Variants in ERC2 observed in about 807,000 individuals in gnomAD.
The protein encoded by ERC2 is ELKS/RAB6-interacting/CAST family member 2.
In ERC2, 42 loss-of-function variants were observed where a neutral mutation model predicts 114.8. The ratio of observed to expected loss-of-function variants is 0.37; its 90% CI spans 0.29 to 0.47. The LOEUF is 0.47. Ranked by LOEUF, ERC2 falls within the 20% of genes least tolerant of loss-of-function variation. The pLI is 0.99. For missense variants in ERC2, 939 were observed against 1,150.7 expected, an observed-to-expected ratio of 0.82 and a Z score of 2.66; for synonymous variants, 454 against 425.5, an observed-to-expected ratio of 1.07 and a Z score of -0.82.
At chr3:55,654,046 A>T (rs1370217697) in intron 17 of ERC2, among the ~76,000 whole-genome samples, 2 of 152,222 alleles carry the variant, frequency 1.3e-5, no homozygotes, top group Non-Finnish European at 2.9e-5. Flanking sequence ...TAGCTGGGAA[A>T]ACAGTTTGCA....
chr3:55,532,601 T>A (rs2053740371), intron 17 of ERC2, among the ~76,000 whole-genome samples: 3 of 152,184 alleles, frequency 2.0e-5, no homozygotes, highest in African/African-American at 7.2e-5. Flanking sequence ...TTTCAATACA[T>A]ACTCTTTTTA....
chr3:55,922,920 G>A (rs2065513565), intron 13 of ERC2, among the ~76,000 whole-genome samples: 1 of 152,126 alleles, frequency 6.6e-6, no homozygotes. Context: ...GGAGGCCTGT[G>A]CATTGCCGGT....
intron 12 of ERC2, among the ~76,000 whole-genome samples, chr3:55,970,480 C>T (rs2069079068): frequency 6.6e-6 from 1 of 151,512 alleles, no homozygotes; most frequent in African/African-American, 2.4e-5. Context: ...ATATAAATAC[C>T]ACAACTCAAC....
At chr3:56,157,370 G>A (rs1205854955) in intron 4 of ERC2, among the ~76,000 whole-genome samples, 1 of 152,204 alleles carries the variant, frequency 6.6e-6, no homozygotes, top group Non-Finnish European at 1.5e-5. Context: ...TGAGTGGGCA[G>A]TCCCTCCATG....
At position 55,795,846 on chromosome 3, in the gene ERC2, T is replaced by C. The variant is rs78523286; in HGVS notation, c.2565-60928A>G. Among the ~76,000 whole-genome samples the C allele has an allele frequency of 5.2e-4, 79 of 152,204 alleles. 2 individuals are homozygous for C. In the East Asian group the frequency reaches 0.014, roughly 28 times the overall value. The stretch of plus-strand genomic sequence containing the variant: ...CAATAACAGTACCTGCCTTATAGGG[T>C]TGCTTCATCATTCAGCAAATAATTA... On this transcript the variant is annotated intron_variant, in intron 14 of 17. Coordinates refer to ENST00000288221, the MANE Select transcript of ERC2 (RefSeq NM_015576.3).
At position 56,434,617 on chromosome 3, in the gene ERC2, G is replaced by C; in HGVS notation, c.391C>G (p.His131Asp). Residue 131 changes from histidine to aspartate, a missense_variant, in exon 2 of 18, where the codon CAC becomes GAC. By Grantham distance (81) the His-to-Asp change is moderately conservative. Around this residue, in one of 5 missense-constraint regions of ERC2, gnomAD observed 281 missense variants for 307.4 expected, o/e 0.91. Coordinates refer to ENST00000288221, the MANE Select transcript of ERC2 (RefSeq NM_015576.3). The part of the protein sequence containing the change: ...HGGLTGSSHH[H>D]HHQVPSMLRQ... ...AACATGGAGGGGACCTGGTGGTGGT[G>C]ATGATGGGATGAGCCAGTCAGCCCA... is the stretch of plus-strand genomic sequence containing the variant. 6.2e-7 allele frequency: 1 copy of C among 1,614,006 alleles called. No individual in the cohort carries two copies. Among genetic ancestry groups the C allele is most frequent in the Non-Finnish European group, 8.5e-7 (1 of 1,179,888 alleles).
intron 3 of ERC2, among the ~76,000 whole-genome samples, chr3:56,256,657 C>T (rs755632592): frequency 6.6e-6 from 1 of 152,024 alleles, no homozygotes; most frequent in South Asian, 2.1e-4. Context: ...CTAATTCCCA[C>T]ATGTCGAGGG....
At chr3:56,149,693 T>A (rs1324234519) in intron 4 of ERC2, among the ~76,000 whole-genome samples, 3 of 152,170 alleles carry the variant, frequency 2.0e-5, no homozygotes, top group Non-Finnish European at 4.4e-5. Flanking sequence ...ACTGATACAC[T>A]AAATATTGAA....
chr3:55,649,252 C>T (rs868089465), intron 17 of ERC2, among the ~76,000 whole-genome samples: 5 of 136,538 alleles, frequency 3.7e-5, no homozygotes, highest in Non-Finnish European at 1.5e-5. Flanking sequence ...AGTTATCCAA[C>T]GCTGAATTTT....
chr3:55,672,792 C>T (rs960408689), intron 17 of ERC2, among the ~76,000 whole-genome samples: 5 of 152,176 alleles, frequency 3.3e-5, no homozygotes, highest in Non-Finnish European at 7.3e-5. Context: ...GTCCATCCTT[C>T]CCTGTCCCCA....
chr3:56,163,444 T>C (rs558859362), intron 4 of ERC2, among the ~76,000 whole-genome samples: 1 of 152,246 alleles, frequency 6.6e-6, no homozygotes, highest in Admixed American at 6.5e-5. Flanking sequence ...CTCGATGATC[T>C]GTCTAATGCT....
intron 6 of ERC2, among the ~76,000 whole-genome samples, chr3:56,103,411 A>T (rs961452084): frequency 5.3e-5 from 8 of 152,196 alleles, no homozygotes; most frequent in Admixed American, 5.2e-4. Context: ...TGGAGCCAAA[A>T]GTGTCACTCT....
Position 55,888,460 on chromosome 3 carries a change from G to T in ERC2, c.2493C>A (p.Ala831=). The change falls in exon 14 of 18, where the codon GCC becomes GCA. Residue 831 remains alanine (A), a synonymous_variant. Coordinates refer to ENST00000288221, the MANE Select transcript of ERC2 (RefSeq NM_015576.3). ...GGTTGGCCAAGTGCGCTTCTTTTTCGGCCAGGGACTGTTGTGTGGAGGCGA... is the reference window on the plus strand; with the variant it reads ...GGTTGGCCAAGTGCGCTTCTTTTTCTGCCAGGGACTGTTGTGTGGAGGCGA... ...ARLASTQQSL[A]EKEAHLANLR... 2 of 1,613,782 alleles carry T rather than the reference G, an allele frequency of 1.2e-6. No homozygotes were observed. The highest frequency in any genetic ancestry group is 1.7e-6 in the Non-Finnish European group (2 of 1,179,826).
At chr3:55,851,507 C>A (rs535197839) in intron 14 of ERC2, among the ~76,000 whole-genome samples, 30 of 152,280 alleles carry the variant, frequency 2.0e-4, no homozygotes, top group Non-Finnish European at 4.1e-4. Flanking sequence ...GCGTGCCCAA[C>A]CCACAAACTT....
chr3:56,181,573 A>G (rs1376984), intron 3 of ERC2, among the ~76,000 whole-genome samples: 124,764 of 152,098 alleles, frequency 0.82, 52,319 homozygotes, highest in South Asian at 0.93. Flanking sequence ...AGGAAAAAGA[A>G]TTACTCCTCA....
At chr3:56,103,755 C>T (rs555127262) in intron 6 of ERC2, among the ~76,000 whole-genome samples, 1 of 151,114 alleles carries the variant, frequency 6.6e-6, no homozygotes, top group Non-Finnish European at 1.5e-5. Context: ...ATCTATCTAT[C>T]TATCTATCTA....
chr3:55,670,566 T>C (rs940759270), intron 17 of ERC2, among the ~76,000 whole-genome samples: 3 of 152,210 alleles, frequency 2.0e-5, no homozygotes, highest in African/African-American at 7.2e-5. Flanking sequence ...CAGACATACC[T>C]GGGTTCGGAT....
chr3:55,907,937 C>G (rs1010443864), intron 13 of ERC2, among the ~76,000 whole-genome samples: 7 of 152,140 alleles, frequency 4.6e-5, no homozygotes, highest in African/African-American at 1.7e-4. Context: ...AAGAGGCAGA[C>G]AGGGAGGAGC....
At chr3:56,308,995 C>T (rs908951601) in intron 2 of ERC2, among the ~76,000 whole-genome samples, 4 of 152,178 alleles carry the variant, frequency 2.6e-5, no homozygotes, top group Non-Finnish European at 5.9e-5. Context: ...ATCCTATGTA[C>T]AGGCTGTACA....
Sources: gnomAD v4.1 joint callset for allele counts (sites outside exome capture counted in the v4.1 genomes callset) on GRCh38, gnomAD v4.1.1 for gene constraint, gnomAD v4.1.1 regional missense constraint, MANE v1.5 for transcripts, NCBI Gene and HGNC (gene_info 2026-07-23, HGNC 2026-07-21) for gene names.